Variants in HDAC9 observed in about 807,000 individuals in gnomAD.
HDAC9 encodes the protein histone deacetylase 9, also known as MEF-2 interacting transcription repressor (MITR) protein.
Under a neutral mutation model 139.4 loss-of-function variants are expected in HDAC9, and 41 were observed. The ratio of observed to expected loss-of-function variants is 0.29; its 90% CI spans 0.23 to 0.38. The LOEUF (loss-of-function observed/expected upper bound fraction) is 0.38. Ranked by LOEUF, HDAC9 falls within the 10% of genes least tolerant of loss-of-function variation. The pLI is 1.00. For missense variants in HDAC9, 1,147 were observed against 1,297.0 expected, an observed-to-expected ratio of 0.88 and a Z score of 1.78; for synonymous variants, 517 against 476.2, an observed-to-expected ratio of 1.09 and a Z score of -1.12.
intron 17 of HDAC9, among the ~76,000 whole-genome samples, chr7:18,822,771 T>C (rs1368445232): frequency 6.6e-6 from 1 of 152,248 alleles, no homozygotes; most frequent in African/African-American, 2.4e-5. Flanking sequence ...TGTCACTTGC[T>C]AGATATGAAC....
At chr7:18,868,650 G>T (rs2129240575) in intron 21 of HDAC9, among the ~76,000 whole-genome samples, 1 of 152,144 alleles carries the variant, frequency 6.6e-6, no homozygotes. Flanking sequence ...TTCTTAGTAG[G>T]TTGGTGCAAA....
chr7:18,578,303 G>A (rs938737385), intron 2 of HDAC9: 1 of 500,870 alleles, frequency 2.0e-6, no homozygotes, highest in Non-Finnish European at 4.0e-6. Context: ...TATTCGTAAC[G>A]ACCCCTTCAC....
intron 17 of HDAC9, among the ~76,000 whole-genome samples, chr7:18,799,088 C>A (rs78270151): frequency 0.012 from 1,814 of 149,138 alleles, 37 homozygotes; most frequent in African/African-American, 0.043. Flanking sequence ...CACACACACA[C>A]ACACACAGAG....
chr7:18,956,167 C>G (rs1783130091), intron 24 of HDAC9, among the ~76,000 whole-genome samples: 1 of 152,020 alleles, frequency 6.6e-6, no homozygotes, highest in African/African-American at 2.4e-5. Flanking sequence ...TCTTCTGCCC[C>G]AAAGTCTATT....
chr7:18,568,480 C>T (rs1363959888), intron 2 of HDAC9, among the ~76,000 whole-genome samples: 2 of 152,188 alleles, frequency 1.3e-5, no homozygotes, highest in Non-Finnish European at 2.9e-5. Flanking sequence ...ATATGTTGCT[C>T]ATTTTAAAGT....
intron 13 of HDAC9, among the ~76,000 whole-genome samples, chr7:18,734,705 A>T (rs1178493044): frequency 6.6e-6 from 1 of 152,180 alleles, no homozygotes; most frequent in Non-Finnish European, 1.5e-5. Flanking sequence ...ATACATGTGC[A>T]TGTGTCTTTA....
intron 1 of HDAC9, among the ~76,000 whole-genome samples, chr7:18,368,295 T>C (rs1419642947): frequency 6.6e-6 from 1 of 152,116 alleles, no homozygotes; most frequent in Non-Finnish European, 1.5e-5. Context: ...ACTTTACCTT[T>C]TAATCCATCT....
intron 1 of HDAC9, among the ~76,000 whole-genome samples, chr7:18,412,886 A>T (rs1447959814): frequency 2.6e-5 from 4 of 152,238 alleles, no homozygotes; most frequent in Non-Finnish European, 4.4e-5. Context: ...TTTATTTTTT[A>T]AAATTCAAAA....
intron 6 of HDAC9, among the ~76,000 whole-genome samples, chr7:18,601,307 A>G (rs143576193): frequency 6.6e-6 from 1 of 152,222 alleles, no homozygotes; most frequent in Non-Finnish European, 1.5e-5. Flanking sequence ...TGACTTTTGT[A>G]TATTAACTTT....
intron 14 of HDAC9, 115 bp from the exon 15 acceptor site, chr7:18,762,042 A>T (rs1257060459): frequency 8.9e-7 from 1 of 1,124,558 alleles, no homozygotes; most frequent in Non-Finnish European, 1.3e-6. Flanking sequence ...TCAGTGTCAC[A>T]TTCCTACATG....
intron 1 of HDAC9, among the ~76,000 whole-genome samples, chr7:18,458,067 A>T (rs1488435175): frequency 6.6e-6 from 1 of 152,150 alleles, no homozygotes; most frequent in Non-Finnish European, 1.5e-5. Context: ...TTGTATTGTG[A>T]CATTTGCTGC....
chr7:18,585,679 G>A (rs1829261232), intron 3 of HDAC9, among the ~76,000 whole-genome samples, 157 bp downstream of exon 3: 1 of 151,954 alleles, frequency 6.6e-6, no homozygotes, highest in Non-Finnish European at 1.5e-5. Context: ...GAAAACTTTG[G>A]GTAAGTACCT....
At chr7:18,172,425 A>T (rs1055667057) in intron 2 of HDAC9, among the ~76,000 whole-genome samples, 3 of 151,984 alleles carry the variant, frequency 2.0e-5, no homozygotes, top group African/African-American at 7.3e-5. Flanking sequence ...GATTTTTTTG[A>T]AGGGTTTTTT....
intron 1 of HDAC9, among the ~76,000 whole-genome samples, chr7:18,485,169 A>G (rs985213194): frequency 6.6e-6 from 1 of 152,160 alleles, no homozygotes; most frequent in Non-Finnish European, 1.5e-5. Context: ...TAAATGACAA[A>G]CACAGGCGTA....
chr7:18,920,359 G>T (rs1803585486), intron 22 of HDAC9, among the ~76,000 whole-genome samples: 1 of 152,076 alleles, frequency 6.6e-6, no homozygotes, highest in Non-Finnish European at 1.5e-5. Context: ...CTGAGACTTT[G>T]CTGAAGTTGC....
In HDAC9 at chr7:18,258,273, C is replaced by G. The variant is rs910579266; in HGVS notation, c.25+95924C>G. Among the ~76,000 whole-genome samples, 3 of 152,120 alleles carry G rather than the reference C, an allele frequency of 2.0e-5. No individual in the cohort carries two copies. The East Asian group carries it at 5.8e-4, about 29-fold the overall frequency. Reference sequence around the variant, plus strand: ...GTTACTATCTAATATGGGTGAAGCACTGGGTTAAATGAGAGATGTAAAGAT... The same window carrying G: ...GTTACTATCTAATATGGGTGAAGCAGTGGGTTAAATGAGAGATGTAAAGAT... On this transcript the variant is annotated intron_variant, in intron 2 of 12. Coordinates refer to the HDAC9 transcript ENST00000417496.
intron 16 of HDAC9, among the ~76,000 whole-genome samples, chr7:18,771,721 C>A (rs1483451829): frequency 6.6e-6 from 1 of 152,068 alleles, no homozygotes. Context: ...ATTCTAGTGG[C>A]AAGCCCTACA....
rs117352637 is a variant in HDAC9 at position 18,857,521 on chromosome 7, A to G, written c.2685-16957A>G. Reference sequence around the variant, plus strand: ...AGAATAATTAATAAGTTCATTTTCTATGTCCACATTTATAGCTGTAGTTTC... The same window carrying G: ...AGAATAATTAATAAGTTCATTTTCTGTGTCCACATTTATAGCTGTAGTTTC... On this transcript the variant is annotated intron_variant, in intron 21 of 25. Coordinates refer to ENST00000686413, the MANE Select transcript of HDAC9 (RefSeq NM_178425.4). 1.3e-3 allele frequency among the ~76,000 whole-genome samples: 205 copies of G among 152,216 alleles called. No homozygotes were observed. In the East Asian group the frequency reaches 0.029, roughly 22 times the overall value.
At chr7:18,403,373 ACAGGTTTAACT>A (rs1787719010) in intron 1 of HDAC9, among the ~76,000 whole-genome samples, 1 of 152,198 alleles carries the variant, frequency 6.6e-6, no homozygotes, top group Non-Finnish European at 1.5e-5. Context: ...GGAAGGCAGA[ACAGGTTTAACT>A]ATTTTTAACT....
Sources: allele counts gnomAD v4.1 joint callset (sites outside exome capture counted in the v4.1 genomes callset), GRCh38; gene constraint gnomAD v4.1.1; transcripts MANE v1.5; gene names NCBI Gene and HGNC (gene_info 2026-07-23, HGNC 2026-07-21).